ABL1: variants seen among roughly 807,000 people sequenced by gnomAD.
ABL1 encodes tyrosine-protein kinase ABL1.
Under a neutral mutation model 94.7 loss-of-function variants are expected in ABL1, and 11 were observed. The observed-to-expected ratio is 0.12, with a 90% CI of 0.07 to 0.19. The LOEUF (loss-of-function observed/expected upper bound fraction) is 0.19, where lower values mean the gene tolerates loss of function less well. ABL1 is among the 10% of genes least tolerant of loss of function. ABL1 has a pLI of 1.00. For synonymous variants in ABL1, 656 were observed against 622.4 expected, an observed-to-expected ratio of 1.05 and a Z score of -0.80; for missense variants, 1,082 against 1,489.4, an observed-to-expected ratio of 0.73 and a Z score of 4.50.
At position 130,859,914 on chromosome 9, in the gene ABL1, C is replaced by T. The variant is rs531236105; in HGVS notation, c.550-2849C>T. Among the ~76,000 whole-genome samples the T allele has an allele frequency of 4.6e-5, 7 of 152,032 alleles. No individual in the cohort carries two copies. The East Asian group carries it at 5.8e-4, about 13-fold the overall frequency. On this transcript the variant is annotated intron_variant, in intron 3 of 10. Coordinates refer to ENST00000318560, the MANE Select transcript of ABL1 (RefSeq NM_005157.6). ...CAGGCTGGTTTCGAACGCCTGACCT[C>T]GTGATCTGCCCTCCTTGGCCTCCCA...
chr9:130,713,109 C>A (rs1005616275), exon 1 of ABL1, among the ~76,000 whole-genome samples: 4 of 152,220 alleles, frequency 2.6e-5, no homozygotes, highest in African/African-American at 9.6e-5. Context: ...GAGCCGGTTC[C>A]CGGGTCCTGC....
intron 1 of ABL1, among the ~76,000 whole-genome samples, chr9:130,800,379 A>AT (rs1830038773): frequency 6.6e-6 from 1 of 152,058 alleles, no homozygotes; most frequent in Non-Finnish European, 1.5e-5. Flanking sequence ...TGCTTTGGTG[A>AT]TGGATACACC....
rs879778841 is a variant in ABL1 at position 130,872,379 on chromosome 9, G to C, written c.907+166G>C. ...AAAATGAGGCCTGTATGGGATGGGT[G>C]TGTGCGTGTGTGCACATATGCACAT... On this transcript the variant is annotated intron_variant, in intron 5 of 10. Transcript: ENST00000318560. The surrounding 1 kb of genome is among the most constrained non-coding windows in gnomAD (Gnocchi z 5.0). 1.3e-5 allele frequency among the ~76,000 whole-genome samples: 2 copies of C among 152,250 alleles called. No homozygotes were observed. The highest frequency in any genetic ancestry group is 2.9e-5 in the Non-Finnish European group (2 of 68,040).
At chr9:130,752,057 T>C (rs920425412) in intron 1 of ABL1, among the ~76,000 whole-genome samples, 1 of 152,218 alleles carries the variant, frequency 6.6e-6, no homozygotes, top group Non-Finnish European at 1.5e-5. Context: ...ATGGGTATAA[T>C]GTAGGGATGC....
In ABL1 at chr9:130,837,350, C is replaced by T. The variant is rs532199598; in HGVS notation, c.79+1825C>T. Among the ~76,000 whole-genome samples, 8 of 152,146 alleles carry T rather than the reference C, an allele frequency of 5.3e-5. No homozygotes were observed. The East Asian group carries it at 1.4e-3, about 26-fold the overall frequency. Reference sequence around the variant, plus strand: ...CCACTTTGCAGATGGGTGCCTAAGGCGGGGATGAATGGACTTTTGTAAGTG... The same window carrying T: ...CCACTTTGCAGATGGGTGCCTAAGGTGGGGATGAATGGACTTTTGTAAGTG... On this transcript the variant is annotated intron_variant, in intron 1 of 10. Coordinates refer to ENST00000318560, the MANE Select transcript of ABL1 (RefSeq NM_005157.6).
intron 1 of ABL1, among the ~76,000 whole-genome samples, chr9:130,769,327 G>GTTTTTTTTTTTTTTTTTTT (rs1234290296): frequency 1.8e-5 from 2 of 112,912 alleles, no homozygotes; most frequent in Non-Finnish European, 3.7e-5. Context: ...TATGGCCCTA[G>GTTTTTTTTTTTTTTTTTTT]TCTTTTTTTT....
intron 1 of ABL1, among the ~76,000 whole-genome samples, chr9:130,719,540 T>C (rs1310934319): frequency 6.6e-6 from 1 of 152,014 alleles, no homozygotes; most frequent in Non-Finnish European, 1.5e-5. Flanking sequence ...TCAAAATAAA[T>C]AAATAAATAA....
intron 1 of ABL1, among the ~76,000 whole-genome samples, chr9:130,750,893 C>T (rs1186148033): frequency 6.6e-6 from 1 of 151,186 alleles, no homozygotes; most frequent in Non-Finnish European, 1.5e-5. Flanking sequence ...GTGATCTGCC[C>T]CTCAGCCTCC....
chr9:130,726,467 C>T (rs1419568893), intron 1 of ABL1, among the ~76,000 whole-genome samples: 2 of 152,034 alleles, frequency 1.3e-5, no homozygotes, highest in East Asian at 1.9e-4. Flanking sequence ...TTTTCCATTC[C>T]TCACATTGGT....
At chr9:130,822,809 T>A (rs1830380064) in intron 1 of ABL1, among the ~76,000 whole-genome samples, 1 of 152,068 alleles carries the variant, frequency 6.6e-6, no homozygotes, top group South Asian at 2.1e-4. Flanking sequence ...AAGTTCTTTT[T>A]TTTTTCGAGA....
rs1477848387 is a variant in ABL1, at chr9:130,885,378, G to A, written c.3088G>A (p.Gly1030Ser). Reference sequence around the variant, plus strand: ...GATCGCCAGCGGCGCCATCACCAAGGGCGTGGTCCTGGACAGCACCGAGGC... The same window carrying A: ...GATCGCCAGCGGCGCCATCACCAAGAGCGTGGTCCTGGACAGCACCGAGGC... ...ERIASGAITK[G>S]VVLDSTEALC... Residue 1030 changes from glycine to serine, a missense_variant, in exon 11 of 11, where the codon GGC becomes AGC. Gly to Ser is a moderately conservative substitution (Grantham distance 56). Coordinates refer to ENST00000318560, the MANE Select transcript of ABL1 (RefSeq NM_005157.6). 19 of 1,613,664 alleles carry A rather than the reference G, an allele frequency of 1.2e-5. No homozygotes were observed. Among genetic ancestry groups the A allele is most frequent in the Non-Finnish European group, 1.5e-5 (18 of 1,180,024 alleles).
Position 130,802,495 on chromosome 9 carries a change from C to G in ABL1, c.137-51569C>G, listed in dbSNP as rs148233450. 5.3e-3 allele frequency among the ~76,000 whole-genome samples: 806 copies of G among 152,218 alleles called. 6 individuals carry two copies. Among genetic ancestry groups the G allele is most frequent in the Middle Eastern group, 0.041 (12 of 294 alleles). Reference sequence around the variant, plus strand: ...CTTTGTCCATTCAGCTGAGTATATCCAGTGAATTTTTTATTTCAAAAAGTT... The same window carrying G: ...CTTTGTCCATTCAGCTGAGTATATCGAGTGAATTTTTTATTTCAAAAAGTT... On this transcript the variant is annotated intron_variant, in intron 1 of 10. Transcript: ENST00000372348.
intron 1 of ABL1, among the ~76,000 whole-genome samples, chr9:130,840,922 A>G (rs1830660394): frequency 6.6e-6 from 1 of 152,212 alleles, no homozygotes; most frequent in South Asian, 2.1e-4. Flanking sequence ...TACATAATAA[A>G]GTTACAGTTT....
chr9:130,825,983 T>G (rs953517074), intron 1 of ABL1, among the ~76,000 whole-genome samples: 1 of 152,160 alleles, frequency 6.6e-6, no homozygotes, highest in Non-Finnish European at 1.5e-5. Context: ...ACCTAGTAGG[T>G]GTCATGTCAC....
intron 1 of ABL1, among the ~76,000 whole-genome samples, chr9:130,796,952 T>C (rs528488686): frequency 2.9e-4 from 43 of 146,812 alleles, no homozygotes; most frequent in African/African-American, 1.1e-3. Flanking sequence ...GGCACTTTTT[T>C]TTTGGCCAGG....
At chr9:130,847,437 G>A (rs1389860232) in intron 1 of ABL1, among the ~76,000 whole-genome samples, 3 of 152,058 alleles carry the variant, frequency 2.0e-5, no homozygotes, top group Admixed American at 6.6e-5. Context: ...CAGAGGGACC[G>A]GTGGAAAGTT....
At chr9:130,801,866 A>G (rs1830059969) in intron 1 of ABL1, among the ~76,000 whole-genome samples, 2 of 151,960 alleles carry the variant, frequency 1.3e-5, no homozygotes, top group South Asian at 4.2e-4. Flanking sequence ...GTTTTGGAGT[A>G]TTTGACTATG....
In ABL1 at chr9:130,878,549, T is replaced by C; in HGVS notation, c.1405T>C (p.Tyr469His). The C allele has an allele frequency of 6.2e-7, 1 of 1,614,224 alleles. No homozygotes were observed. Among genetic ancestry groups the C allele is most frequent in the Non-Finnish European group, 8.5e-7 (1 of 1,180,042 alleles). The change falls in exon 8 of 11, where the codon TAT becomes CAT. Residue 469 changes from tyrosine to histidine, a missense_variant. Physicochemically the swap from Tyr to His is moderately conservative, Grantham distance 83. This residue lies in a region of ABL1 where 76 missense variants were observed against 177.1 expected (regional missense o/e 0.43). Transcript: ENST00000318560. ...CCCAGAAGGCTGCCCAGAGAAGGTCTATGAACTCATGCGAGCATGTAAGCC... is the reference window on the plus strand; with the variant it reads ...CCCAGAAGGCTGCCCAGAGAAGGTCCATGAACTCATGCGAGCATGTAAGCC... ...ERPEGCPEKV[Y>H]ELMRACWQWN...
chr9:130,884,282 T>G lies in ABL1; in HGVS notation c.1992T>G (p.Asn664Lys). 6.3e-7 allele frequency: 1 copy of G among 1,599,994 alleles called. No individual in the cohort carries two copies. Among genetic ancestry groups the G allele is most frequent in the Non-Finnish European group, 8.5e-7 (1 of 1,173,766 alleles). Residue 664 changes from asparagine (N) to lysine (K), a missense_variant, in exon 11 of 11, where the codon AAT becomes AAG. Around this residue, in one of 7 missense-constraint regions of ABL1, gnomAD observed 780 missense variants for 835.8 expected, o/e 0.93. Transcript: ENST00000318560. The surrounding 1 kb of genome is among the most constrained non-coding windows in gnomAD (Gnocchi z 5.6). ...CAGCCAAGTCCCCAAAGCCCAGCAA[T>G]GGGGCTGGGGTCCCCAATGGAGCCC... ...ADPAKSPKPS[N>K]GAGVPNGALR... is the part of the protein sequence containing the mutation.
Sources: allele counts gnomAD v4.1 joint callset (sites outside exome capture counted in the v4.1 genomes callset), GRCh38; gene constraint gnomAD v4.1.1; regional missense constraint gnomAD v4.1.1; non-coding constraint Gnocchi (gnomAD v3.1); transcripts MANE v1.5; gene names NCBI Gene and HGNC (gene_info 2026-07-23, HGNC 2026-07-21).